The following ZCCHC14 variants were observed in gnomAD, a reference collection of about 807,000 sequenced individuals.
ZCCHC14 encodes the protein zinc finger CCHC domain-containing protein 14.
ZCCHC14 carries 16 observed loss-of-function variants against 85.0 expected under a neutral mutation model. The observed-to-expected ratio is 0.19, with a 90% confidence interval of 0.13 to 0.29. ZCCHC14 has a LOEUF of 0.29. Ranked by LOEUF, ZCCHC14 falls within the 10% of genes least tolerant of loss-of-function variation. ZCCHC14 has a pLI of 1.00. For missense variants in ZCCHC14, 1,303 were observed against 1,443.5 expected (o/e 0.90, Z 1.58); for synonymous variants, 775 against 630.7 (o/e 1.23, Z -3.43).
chr16:87,467,066 A>C, intron 1 of ZCCHC14: 1 of 478,122 alleles, frequency 2.1e-6, no homozygotes, highest in Non-Finnish European at 3.7e-6. Context: ...TTTTTTTACT[A>C]AAGAGACAGG....
chr16:87,427,395 G>T (rs1437288562), intron 3 of ZCCHC14, among the ~76,000 whole-genome samples: 1 of 152,198 alleles, frequency 6.6e-6, no homozygotes, highest in Non-Finnish European at 1.5e-5. Context: ...AGCAGTCAGT[G>T]TTGCTTGGGG....
chr16:87,412,395 G>C lies in ZCCHC14; in HGVS notation c.2326C>G (p.Leu776Val), dbSNP rs140909743. The change falls in exon 12 of 13, where the codon CTG becomes GTG. Residue 776 changes from leucine to valine, a missense_variant. By Grantham distance (32) the Leu-to-Val change is conservative (BLOSUM62 1). Coordinates refer to ENST00000671377, the MANE Select transcript of ZCCHC14 (RefSeq NM_015144.3). ...GCAGGAACAGATGACGACAGCAGCA[G>C]TTTGATGGGCGGACGGGCGGCGTGG... ...VLHAARPPIKLLLSSSVPADS... is the reference protein window; with the variant it reads ...VLHAARPPIKVLLSSSVPADS... The C allele has an allele frequency of 4.3e-6, 7 of 1,614,118 alleles. No homozygotes were observed. In the African/African-American group the frequency reaches 8.0e-5, roughly 18 times the overall value.
chr16:87,475,414 G>A (rs755209451), intron 1 of ZCCHC14, among the ~76,000 whole-genome samples: 65 of 152,058 alleles, frequency 4.3e-4, no homozygotes, highest in South Asian at 8.3e-4. Flanking sequence ...TTACCTGAGT[G>A]TGGTGGTGGG....
At chr16:87,446,227 T>G (rs1432830042) in intron 2 of ZCCHC14, among the ~76,000 whole-genome samples, 1 of 151,338 alleles carries the variant, frequency 6.6e-6, no homozygotes, top group African/African-American at 2.4e-5. Flanking sequence ...CTCACGCCTG[T>G]AATCCCAGCA....
chr16:87,441,213 C>G (rs533328966), intron 2 of ZCCHC14, among the ~76,000 whole-genome samples: 121 of 151,658 alleles, frequency 8.0e-4, no homozygotes, highest in African/African-American at 2.8e-3. Flanking sequence ...AGGATGGTCT[C>G]GATCTCCCGA....
At chr16:87,449,260 T>C (rs1365319982) in intron 2 of ZCCHC14, among the ~76,000 whole-genome samples, 2 of 152,232 alleles carry the variant, frequency 1.3e-5, no homozygotes, top group Admixed American at 6.5e-5. Flanking sequence ...CAAGCTTCCT[T>C]ACATCCTTTC....
intron 3 of ZCCHC14, among the ~76,000 whole-genome samples, chr16:87,429,518 T>C (rs951806564): frequency 6.6e-6 from 1 of 152,122 alleles, no homozygotes; most frequent in Non-Finnish European, 1.5e-5. Context: ...TTGTTGGGCA[T>C]GGCGGCTCAT....
Position 87,492,285 on chromosome 16 carries a change from G to C in ZCCHC14, c.-47C>G, listed in dbSNP as rs1326060913. ...CGACCCGGGGCCGGGGACCGCGCGG[G>C]GGCGGCCGGGGGGCGCCGGGGGCCG... On this transcript the variant is annotated 5_prime_UTR_variant, in exon 1 of 13. Coordinates refer to ENST00000671377, the MANE Select transcript of ZCCHC14 (RefSeq NM_015144.3). This position sits in a 1 kb window ranked among gnomAD's most constrained non-coding sequence, Gnocchi z 6.7. 1 of 970,812 alleles carries C rather than the reference G, an allele frequency of 1.0e-6. No homozygotes were observed. The highest frequency in any genetic ancestry group is 4.7e-5 in the South Asian group (1 of 21,088). The allele number at this position is 970,812 out of a possible 1,614,324, so 60.1% of individuals were successfully genotyped here.
At chr16:87,433,107 G>C in intron 3 of ZCCHC14, 21 bp downstream of exon 3, 1 of 1,612,872 alleles carries the variant, frequency 6.2e-7, no homozygotes, top group Non-Finnish European at 8.5e-7. Flanking sequence ...GGAGAGAGGG[G>C]AAAAAAACTT....
chr16:87,487,357 C>A (rs1912555080), intron 1 of ZCCHC14, among the ~76,000 whole-genome samples: 2 of 152,226 alleles, frequency 1.3e-5, no homozygotes, highest in African/African-American at 4.8e-5. Flanking sequence ...CCTGAGGATG[C>A]TGAAACACAA....
At position 87,411,536 on chromosome 16, in the gene ZCCHC14, G is replaced by T; in HGVS notation, c.3185C>A (p.Ser1062Tyr). ...GHRAQDCKQPSMDFNRPGTFR... is the reference protein window; with the variant it reads ...GHRAQDCKQPYMDFNRPGTFR... Reference sequence around the variant, plus strand: ...CTTACCTGGCCGGTTGAAGTCCATGGACGGCTGTTTGCAGTCCTGGGCGCG... The same window carrying T: ...CTTACCTGGCCGGTTGAAGTCCATGTACGGCTGTTTGCAGTCCTGGGCGCG... Residue 1062 changes from serine (S) to tyrosine (Y), a missense_variant, in exon 12 of 13, where the codon TCC (serine) becomes TAC (tyrosine). Ser to Tyr is a moderately radical substitution (Grantham distance 144). Transcript: ENST00000671377. The T allele has an allele frequency of 6.2e-7, 1 of 1,613,654 alleles. No homozygotes were observed. The highest frequency in any genetic ancestry group is 1.1e-5 in the South Asian group (1 of 91,092).
intron 2 of ZCCHC14, among the ~76,000 whole-genome samples, chr16:87,436,852 G>A (rs1298220741): frequency 6.6e-6 from 1 of 152,236 alleles, no homozygotes; most frequent in African/African-American, 2.4e-5. Context: ...GATGGGAACA[G>A]CTGTGTACGG....
intron 1 of ZCCHC14, among the ~76,000 whole-genome samples, chr16:87,478,449 G>GA (rs1912121677): frequency 6.6e-6 from 1 of 152,302 alleles, no homozygotes; most frequent in Non-Finnish European, 1.5e-5. Flanking sequence ...TCTCACGTAT[G>GA]AAAGATACTC....
Position 87,443,629 on chromosome 16 carries a change from C to A in ZCCHC14, c.695-10428G>T, listed in dbSNP as rs192302400. 4.9e-3 allele frequency among the ~76,000 whole-genome samples: 739 copies of A among 152,130 alleles called. 6 individuals carry two copies. Among genetic ancestry groups the A allele is most frequent in the African/African-American group, 0.016 (673 of 41,492 alleles). On this transcript the variant is annotated intron_variant, in intron 2 of 12. Coordinates refer to ENST00000671377, the MANE Select transcript of ZCCHC14 (RefSeq NM_015144.3). ...GTACACACCTGTAGCCCCAGCTACTCGGGAGGCCAAGGCTGGGGGATCCCT... is the reference window on the plus strand; with the variant it reads ...GTACACACCTGTAGCCCCAGCTACTAGGGAGGCCAAGGCTGGGGGATCCCT...
chr16:87,490,043 A>G (rs910023652), intron 1 of ZCCHC14, among the ~76,000 whole-genome samples: 1 of 152,178 alleles, frequency 6.6e-6, no homozygotes, highest in Admixed American at 6.5e-5. Flanking sequence ...AAACAACTAC[A>G]TTTCCTAGGA....
chr16:87,480,359 C>T (rs1162333387), intron 1 of ZCCHC14, among the ~76,000 whole-genome samples: 3 of 151,818 alleles, frequency 2.0e-5, no homozygotes, highest in African/African-American at 4.8e-5. Context: ...GCCGAGATTG[C>T]GCCACTGCAC....
At chr16:87,430,401 C>A (rs1909593004) in intron 3 of ZCCHC14, among the ~76,000 whole-genome samples, 1 of 152,218 alleles carries the variant, frequency 6.6e-6, no homozygotes, top group East Asian at 1.9e-4. Context: ...TGCTACCTCA[C>A]AGCGTTGTGA....
chr16:87,463,611 G>A (rs1433784981), intron 1 of ZCCHC14, among the ~76,000 whole-genome samples: 1 of 152,134 alleles, frequency 6.6e-6, no homozygotes, highest in Non-Finnish European at 1.5e-5. Flanking sequence ...CTGAGGTCAG[G>A]AGTTCGAGAC....
chr16:87,423,980 G>C, intron 3 of ZCCHC14, 99 bp from the exon 4 acceptor site: 1 of 1,317,030 alleles, frequency 7.6e-7, no homozygotes, highest in South Asian at 1.3e-5. Flanking sequence ...TCAGTCGGCA[G>C]CTGAGCCCAG....
Sources: allele counts gnomAD v4.1 joint callset (sites outside exome capture counted in the v4.1 genomes callset), GRCh38; gene constraint gnomAD v4.1.1; non-coding constraint Gnocchi (gnomAD v3.1); transcripts MANE v1.5; gene names NCBI Gene and HGNC (gene_info 2026-07-23, HGNC 2026-07-21).